Variants in AFG2B observed in about 807,000 individuals in gnomAD.
AFG2B encodes AAA ATPase AFG2B, also known as ATPase family gene 2 protein homolog B.
At chr15:45,409,270 G>C in the AFG2B span, among the ~76,000 whole-genome samples, 6 of 151,644 alleles carry the variant, frequency 4.0e-5, no homozygotes, top group Non-Finnish European at 7.4e-5. Flanking sequence ...CCAGCTACTC[G>C]GTAGGCTGAG....
At chr15:45,417,241 T>C in the AFG2B span, 12 of 1,603,870 alleles carry the variant, frequency 7.5e-6, no homozygotes, top group Non-Finnish European at 9.4e-6. Context: ...CTGATTGACA[T>C]TACTTTGTGT....
At chr15:45,404,270 G>C in the AFG2B span, among the ~76,000 whole-genome samples, 1 of 152,078 alleles carries the variant, frequency 6.6e-6, no homozygotes, top group Non-Finnish European at 1.5e-5. Context: ...TCTAGTACCT[G>C]TGTCCTTAAG....
chr15:45,418,748 C>T, the AFG2B span: 2 of 1,583,342 alleles, frequency 1.3e-6, no homozygotes, highest in Middle Eastern at 1.7e-4. Context: ...TCTTCATTCA[C>T]TCAGCAGTAT....
the AFG2B span, among the ~76,000 whole-genome samples, chr15:45,420,832 A>G: frequency 2.6e-5 from 4 of 152,088 alleles, no homozygotes; most frequent in Non-Finnish European, 5.9e-5. Flanking sequence ...TCTCTACTAA[A>G]AATACAAAAA....
chr15:45,410,551 A>C, the AFG2B span: 1 of 1,586,586 alleles, frequency 6.3e-7, no homozygotes, highest in Non-Finnish European at 8.6e-7. Context: ...TAATCTACTT[A>C]ATCCAGTAGG....
the AFG2B span, chr15:45,410,608 G>A: frequency 8.5e-5 from 115 of 1,346,656 alleles, no homozygotes; most frequent in South Asian, 1.1e-3. Flanking sequence ...AACATACTGC[G>A]CTGAAACTGC....
the AFG2B span, chr15:45,417,600 G>T: frequency 2.0e-6 from 1 of 494,936 alleles, no homozygotes; most frequent in Non-Finnish European, 3.5e-6. Context: ...ATATATGGTG[G>T]TTATTTTTTG....
the AFG2B span, chr15:45,405,280 T>C: frequency 6.4e-7 from 1 of 1,569,786 alleles, no homozygotes; most frequent in Non-Finnish European, 8.7e-7. Context: ...TTTTAAACTA[T>C]ATACTTCTTC....
the AFG2B span, among the ~76,000 whole-genome samples, chr15:45,407,902 C>A: frequency 6.6e-6 from 1 of 152,106 alleles, no homozygotes; most frequent in Non-Finnish European, 1.5e-5. Flanking sequence ...TAAAGAGTCT[C>A]CAAAATATAA....
chr15:45,410,471 A>T, the AFG2B span: 1 of 1,613,198 alleles, frequency 6.2e-7, no homozygotes, highest in Non-Finnish European at 8.5e-7. Flanking sequence ...AATGGATATC[A>T]AGCCTGTTGA....
chr15:45,414,422 A>G, the AFG2B span: 2 of 677,282 alleles, frequency 3.0e-6, no homozygotes. Flanking sequence ...ACCTGATTCA[A>G]ATGATAAGAT....
At chr15:45,404,849 C>T in the AFG2B span, among the ~76,000 whole-genome samples, 1 of 149,140 alleles carries the variant, frequency 6.7e-6, no homozygotes, top group Non-Finnish European at 1.5e-5. Flanking sequence ...TATATGTATA[C>T]ACACACATAT....
the AFG2B span, chr15:45,403,555 A>G: frequency 6.3e-7 from 1 of 1,583,362 alleles, no homozygotes; most frequent in South Asian, 1.1e-5. Context: ...CTGTCGGTGG[A>G]ACCTCGGCCG....
chr15:45,411,623 A>G, the AFG2B span, among the ~76,000 whole-genome samples: 10 of 152,152 alleles, frequency 6.6e-5, no homozygotes, highest in East Asian at 1.2e-3. Flanking sequence ...GGCCTACAAA[A>G]AATTTTTTTA....
chr15:45,406,319 C>T, the AFG2B span, among the ~76,000 whole-genome samples: 5 of 152,174 alleles, frequency 3.3e-5, no homozygotes, highest in Non-Finnish European at 7.3e-5. Context: ...TTAGGCAGCA[C>T]ATGATATGTT....
chr15:45,419,465 G>A, the AFG2B span, among the ~76,000 whole-genome samples: 5 of 149,856 alleles, frequency 3.3e-5, no homozygotes, highest in African/African-American at 9.8e-5. Context: ...CTGTCTCTTA[G>A]GAAAAAAAAA....
At chr15:45,418,569 A>G in the AFG2B span, 4 of 1,602,854 alleles carry the variant, frequency 2.5e-6, no homozygotes, top group South Asian at 1.1e-5. Context: ...CAGGCTTTCT[A>G]TTTTAAAAGT....
the AFG2B span, chr15:45,410,260 TAAC>T: frequency 1.1e-5 from 13 of 1,225,936 alleles, no homozygotes; most frequent in South Asian, 8.7e-5. Context: ...TTTATAATGA[TAAC>T]AAAATAACTT....
the AFG2B span, among the ~76,000 whole-genome samples, chr15:45,405,927 A>G: frequency 6.6e-6 from 1 of 152,100 alleles, no homozygotes; most frequent in Non-Finnish European, 1.5e-5. Flanking sequence ...CATTTGCTTT[A>G]TCATTCTCTC....
Sources: allele counts gnomAD v4.1 joint callset (sites outside exome capture counted in the v4.1 genomes callset), GRCh38; gene constraint gnomAD v4.1.1; transcripts MANE v1.5; gene names NCBI Gene and HGNC (gene_info 2026-07-23, HGNC 2026-07-21).